ARHGEF4: variants seen among roughly 807,000 people sequenced by gnomAD.
The protein encoded by ARHGEF4 is APC-stimulated guanine nucleotide exchange factor 1.
ARHGEF4 carries 119 observed loss-of-function variants against 162.0 expected under a neutral mutation model. The observed-to-expected ratio is 0.73, with a 90% CI of 0.63 to 0.86. The LOEUF is 0.86. Among genes scored for constraint, ARHGEF4 ranks in the 40% least tolerant of loss-of-function variants. The pLI, the probability that ARHGEF4 is intolerant of heterozygous loss-of-function variation, is 0.00. For synonymous variants in ARHGEF4, 1,014 were observed against 979.9 expected (o/e 1.03, Z -0.65); for missense variants, 2,488 against 2,456.0 (o/e 1.01, Z -0.28).
chr2:130,915,855 G>C lies in ARHGEF4; in HGVS notation c.1909G>C (p.Glu637Gln). The change falls in exon 2 of 14, where the codon GAG (glutamate) becomes CAG (glutamine). Residue 637 changes from glutamate to glutamine, a missense_variant. Physicochemically the swap from Glu to Gln is conservative, Grantham distance 29. Around this residue, in one of 6 missense-constraint regions of ARHGEF4, gnomAD observed 1,642 missense variants for 1,481.5 expected, o/e 1.11. Coordinates refer to ENST00000409359, the MANE Select transcript of ARHGEF4 (RefSeq NM_001367493.1). ...GGGCGCCCTCATCATTGTAGCTGTG[G>C]AGCAGAAAGGTCTTCAGGCCAGCAG... The part of the protein sequence containing the change: ...GRGALIIVAV[E>Q]QKGLQASRSN... 1 of 1,543,718 alleles carries C rather than the reference G, an allele frequency of 6.5e-7. No individual in the cohort carries two copies. Among genetic ancestry groups the C allele is most frequent in the Non-Finnish European group, 8.7e-7 (1 of 1,143,682 alleles).
intron 1 of ARHGEF4, among the ~76,000 whole-genome samples, chr2:130,900,679 A>G (rs1249140695): frequency 6.6e-6 from 1 of 152,038 alleles, no homozygotes; most frequent in East Asian, 1.9e-4. Flanking sequence ...GGTTCTTCTC[A>G]GTGTTGGGAT....
intron 4 of ARHGEF4, among the ~76,000 whole-genome samples, chr2:130,964,615 T>C (rs1440604699): frequency 6.6e-6 from 1 of 152,244 alleles, no homozygotes; most frequent in Admixed American, 6.5e-5. Flanking sequence ...CAGTTGCACC[T>C]GTCTGGCTTT....
At position 130,914,123 on chromosome 2, in the gene ARHGEF4, G is replaced by A; in HGVS notation, c.177G>A (p.Gln59=). The A allele has an allele frequency of 6.5e-7, 1 of 1,536,174 alleles. No homozygotes were observed. The highest frequency in any genetic ancestry group is 8.7e-7 in the Non-Finnish European group (1 of 1,146,912). Residue 59 remains glutamine (Q), a synonymous_variant, in exon 2 of 14, where the codon CAG becomes CAA. Coordinates refer to ENST00000409359, the MANE Select transcript of ARHGEF4 (RefSeq NM_001367493.1). ...ATGATTCTGAAACGCTGTCCCAGCA[G>A]AGTGAAAGTGGATCAGACACAAAAA... The part of the protein sequence containing the change: ...DRDDSETLSQ[Q]SESGSDTKTD...
chr2:131,041,262 C>G lies in ARHGEF4; in HGVS notation c.4695C>G (p.Cys1565Trp). The G allele has an allele frequency of 3.7e-6, 6 of 1,613,876 alleles. No homozygotes were observed. The highest frequency in any genetic ancestry group is 5.1e-6 in the Non-Finnish European group (6 of 1,180,016). Reference protein sequence around the residue: ...QADFQIYSEYCNNHPNACVEL... With the variant: ...QADFQIYSEYWNNHPNACVEL... ...ACTTCCAGATCTACTCGGAGTACTGCAATAACCACCCCAACGCCTGCGTGG... is the reference window on the plus strand; with the variant it reads ...ACTTCCAGATCTACTCGGAGTACTGGAATAACCACCCCAACGCCTGCGTGG... The change falls in exon 9 of 14, where the codon TGC becomes TGG. Residue 1565 changes from cysteine to tryptophan, a missense_variant. By Grantham distance (215) the Cys-to-Trp change is radical. Around this residue, in one of 6 missense-constraint regions of ARHGEF4, gnomAD observed 415 missense variants for 512.4 expected, o/e 0.81. Coordinates refer to ENST00000409359, the MANE Select transcript of ARHGEF4 (RefSeq NM_001367493.1).
At chr2:130,883,390 G>A (rs1285652754) in intron 1 of ARHGEF4, among the ~76,000 whole-genome samples, 3 of 152,086 alleles carry the variant, frequency 2.0e-5, no homozygotes, top group African/African-American at 7.3e-5. Flanking sequence ...GAATGCCGGA[G>A]CAGTGTGCTC....
intron 4 of ARHGEF4, among the ~76,000 whole-genome samples, chr2:130,966,829 A>C (rs1334699156): frequency 2.0e-5 from 3 of 152,226 alleles, no homozygotes; most frequent in African/African-American, 7.2e-5. Context: ...AATCACCTCT[A>C]AAATGCCATG....
intron 1 of ARHGEF4, among the ~76,000 whole-genome samples, chr2:130,886,598 G>A (rs998810395): frequency 3.3e-5 from 5 of 151,536 alleles, no homozygotes; most frequent in African/African-American, 9.7e-5. Context: ...GGAGAATGGC[G>A]GGAACCCGGG....
intron 4 of ARHGEF4, among the ~76,000 whole-genome samples, chr2:130,994,192 C>T (rs1381538368): frequency 6.6e-6 from 1 of 152,104 alleles, no homozygotes; most frequent in Non-Finnish European, 1.5e-5. Context: ...ATATTTAGTT[C>T]ATTTATGTGC....
intron 9 of ARHGEF4, 43 bp downstream of exon 9, chr2:131,041,505 T>G: frequency 6.4e-7 from 1 of 1,569,814 alleles, no homozygotes; most frequent in South Asian, 1.2e-5. Flanking sequence ...CGCCTCTGCA[T>G]GCCTCCAGTC....
intron 10 of ARHGEF4, 113 bp downstream of exon 10, chr2:131,042,057 G>A: frequency 7.1e-7 from 1 of 1,411,516 alleles, no homozygotes; most frequent in South Asian, 1.4e-5. Context: ...GCGCTCCTGG[G>A]AGCTAGCAAC....
chr2:131,040,067 A>G lies in ARHGEF4; in HGVS notation c.4357A>G (p.Asn1453Asp). The G allele has an allele frequency of 6.3e-7, 1 of 1,596,472 alleles. No individual in the cohort carries two copies. The highest frequency in any genetic ancestry group is 1.1e-5 in the South Asian group (1 of 88,950). Residue 1453 changes from asparagine to aspartate, a missense_variant, in exon 7 of 14, where the codon AAC (asparagine) becomes GAC (aspartate). Around this residue, in one of 6 missense-constraint regions of ARHGEF4, gnomAD observed 174 missense variants for 148.3 expected, o/e 1.17. Transcript: ENST00000409359. ...GGATGACGACGCCCCTCTGGCCGGG[A>G]ACAGCGGAGCGGAGGACGGCGGGGC... ...PADDDAPLAG[N>D]SGAEDGGAEA...
chr2:131,043,645 G>C (rs897576319), intron 11 of ARHGEF4, 62 bp downstream of exon 11: 3 of 1,607,778 alleles, frequency 1.9e-6, no homozygotes, highest in Non-Finnish European at 2.5e-6. Flanking sequence ...GGAGCTGAGG[G>C]CTGGGAGCAG....
At chr2:130,997,247 T>C (rs977099992) in intron 4 of ARHGEF4, among the ~76,000 whole-genome samples, 1 of 152,240 alleles carries the variant, frequency 6.6e-6, no homozygotes, top group Non-Finnish European at 1.5e-5. Flanking sequence ...ATTGTTCAGC[T>C]CGTTTTGCTA....
At chr2:130,902,148 C>A (rs1680520357) in intron 1 of ARHGEF4, among the ~76,000 whole-genome samples, 1 of 152,184 alleles carries the variant, frequency 6.6e-6, no homozygotes, top group African/African-American at 2.4e-5. Flanking sequence ...ATGGCATTAG[C>A]CTCTCCATTT....
intron 1 of ARHGEF4, among the ~76,000 whole-genome samples, chr2:130,841,240 A>G (rs1295921754): frequency 1.3e-5 from 2 of 151,700 alleles, no homozygotes; most frequent in African/African-American, 2.4e-5. Context: ...AATTTTTTGT[A>G]TTTTTAGTAG....
chr2:130,843,571 C>T (rs900719186), intron 1 of ARHGEF4, among the ~76,000 whole-genome samples: 17 of 152,230 alleles, frequency 1.1e-4, no homozygotes. Context: ...CCTCCTCTCC[C>T]CCACTGCTCT....
At chr2:130,896,270 C>T (rs1014096155) in intron 1 of ARHGEF4, among the ~76,000 whole-genome samples, 23 of 152,184 alleles carry the variant, frequency 1.5e-4, no homozygotes, top group Non-Finnish European at 2.9e-4. Context: ...CTTGTAATGC[C>T]ATATTCTTGT....
At chr2:131,016,050 C>T (rs1688757742) in intron 4 of ARHGEF4, among the ~76,000 whole-genome samples, 1 of 152,148 alleles carries the variant, frequency 6.6e-6, no homozygotes, top group South Asian at 2.1e-4. Flanking sequence ...TCTTGCTTCT[C>T]ACTCTACTCC....
chr2:130,916,144 C>T lies in ARHGEF4; in HGVS notation c.2198C>T (p.Pro733Leu), dbSNP rs1006416916. Reference sequence around the variant, plus strand: ...GAGACGCCGAGCACAGAGGAGCCCCCGGGAGAGAGACTGCGTGGGGAGAGC... The same window carrying T: ...GAGACGCCGAGCACAGAGGAGCCCCTGGGAGAGAGACTGCGTGGGGAGAGC... ...SEETPSTEEP[P>L]GERLRGESRS... The change falls in exon 2 of 14, where the codon CCG becomes CTG. Residue 733 changes from proline (P) to leucine (L), a missense_variant. Coordinates refer to ENST00000409359, the MANE Select transcript of ARHGEF4 (RefSeq NM_001367493.1). The T allele has an allele frequency of 8.4e-6, 13 of 1,549,056 alleles. No homozygotes were observed. The highest frequency in any genetic ancestry group is 3.9e-5 in the Admixed American group (2 of 50,968).
Sources: allele counts gnomAD v4.1 joint callset (sites outside exome capture counted in the v4.1 genomes callset), GRCh38; gene constraint gnomAD v4.1.1; regional missense constraint gnomAD v4.1.1; transcripts MANE v1.5; gene names NCBI Gene and HGNC (gene_info 2026-07-23, HGNC 2026-07-21).